The following SPEF2 variants were observed in gnomAD, a reference collection of about 807,000 sequenced individuals.
SPEF2 encodes the protein sperm flagellar and cilia associated 2, also known as sperm flagella and cilia-associated protein 2.
SPEF2 carries 187 observed loss-of-function variants against 224.6 expected under a neutral mutation model. That is an observed-to-expected ratio of 0.83 (90% CI 0.74 to 0.94). The LOEUF (loss-of-function observed/expected upper bound fraction) is 0.94, where lower values mean the gene tolerates loss of function less well. SPEF2 is among the 40% of genes least tolerant of loss of function. The probability of loss-of-function intolerance (pLI) is 0.00; values close to 1 mark genes in which losing one functional copy is unlikely to be tolerated. For missense variants in SPEF2, 2,170 were observed against 2,135.6 expected (o/e 1.02, Z -0.32); for synonymous variants, 715 against 707.3 (o/e 1.01, Z -0.17).
intron 36 of SPEF2, among the ~76,000 whole-genome samples, chr5:35,809,698 A>T: frequency 6.6e-6 from 1 of 152,182 alleles, no homozygotes; most frequent in Admixed American, 6.5e-5. Flanking sequence ...ATTCCATTTG[A>T]AAAGCAAGAG....
intron 20 of SPEF2, among the ~76,000 whole-genome samples, chr5:35,717,911 C>T (rs7706122): frequency 0.74 from 112,749 of 152,064 alleles, 42,314 homozygotes; most frequent in Middle Eastern, 0.83. Context: ...TGACAGGGGG[C>T]GCTGTTTTGG....
chr5:35,632,258 C>T (rs1052785031), intron 2 of SPEF2, among the ~76,000 whole-genome samples: 2 of 152,172 alleles, frequency 1.3e-5, no homozygotes, highest in African/African-American at 4.8e-5. Flanking sequence ...GTTTAATTGA[C>T]TTATACTTCC....
intron 10 of SPEF2, among the ~76,000 whole-genome samples, chr5:35,689,504 C>T (rs1301534665): frequency 6.6e-6 from 1 of 152,148 alleles, no homozygotes; most frequent in Non-Finnish European, 1.5e-5. Flanking sequence ...CTTGCACTCT[C>T]CCCATCTCCT....
At chr5:35,788,780 G>C (rs1755545849) in intron 30 of SPEF2, 4 of 702,826 alleles carry the variant, frequency 5.7e-6, no homozygotes, top group Non-Finnish European at 1.0e-5. Context: ...ACATCACCTT[G>C]AACTATCTTA....
intron 36 of SPEF2, chr5:35,808,036 G>A: frequency 8.6e-7 from 1 of 1,157,118 alleles, no homozygotes; most frequent in Non-Finnish European, 1.1e-6. Context: ...CTTTCACTTT[G>A]ATAGAATGTA....
At chr5:35,788,417 C>A in intron 30 of SPEF2, 1 of 702,536 alleles carries the variant, frequency 1.4e-6, no homozygotes, top group Non-Finnish European at 2.6e-6. Flanking sequence ...ACGAAAAAAT[C>A]TAAGAGAGAA....
chr5:35,675,841 G>A (rs1751924713), intron 10 of SPEF2: 1 of 445,720 alleles, frequency 2.2e-6, no homozygotes, highest in Non-Finnish European at 4.5e-6. Flanking sequence ...TGGTTACCAA[G>A]AAACAAGGCT....
At position 35,651,268 on chromosome 5, in the gene SPEF2, G is replaced by A. The variant is rs555433569; in HGVS notation, c.791+1843G>A. 2.0e-5 allele frequency among the ~76,000 whole-genome samples: 3 copies of A among 152,286 alleles called. No homozygotes were observed. The East Asian group carries it at 5.8e-4, about 29-fold the overall frequency. The stretch of plus-strand genomic sequence containing the variant: ...CACTGTTTCCCTGCATAAAATTGGG[G>A]TTCTATTTTGAGAGAAAAGGGAGGG... On this transcript the variant is annotated intron_variant, in intron 6 of 36. Coordinates refer to ENST00000356031, the MANE Select transcript of SPEF2 (RefSeq NM_024867.4).
At chr5:35,661,796 T>A (rs920124368) in intron 8 of SPEF2, among the ~76,000 whole-genome samples, 4 of 152,202 alleles carry the variant, frequency 2.6e-5, no homozygotes, top group African/African-American at 7.2e-5. Context: ...ATGGTGTATA[T>A]ATACCACATT....
At position 35,700,329 on chromosome 5, in the gene SPEF2, G is replaced by T; in HGVS notation, c.2142-167G>T. The T allele has an allele frequency of 4.6e-6, 3 of 648,196 alleles. No homozygotes were observed. In the South Asian group the frequency reaches 6.0e-5, roughly 13 times the overall value. 40.2% of individuals were successfully genotyped at this position (648,196 alleles called of 1,614,324 possible). ...TCCACAGAAGTATTTTTAAGCAAGG[G>T]AGTGATTGTGGCACATCAGTAAACC... On this transcript the variant is annotated intron_variant, in intron 15 of 36. Transcript: ENST00000356031.
chr5:35,641,778 G>A (rs1746659549), intron 3 of SPEF2, 95 bp downstream of exon 3: 1 of 1,315,332 alleles, frequency 7.6e-7, no homozygotes, highest in Admixed American at 2.3e-5. Context: ...AGCCTCATTA[G>A]GCATATATAT....
chr5:35,740,727 C>G (rs1747469110), intron 23 of SPEF2, among the ~76,000 whole-genome samples: 1 of 152,118 alleles, frequency 6.6e-6, no homozygotes, highest in African/African-American at 2.4e-5. Context: ...CTTTGTATCT[C>G]CAGCAAGCAC....
At position 35,671,639 on chromosome 5, in the gene SPEF2, G is replaced by T. The variant is rs907760375; in HGVS notation, c.1524+1412G>T. On this transcript the variant is annotated intron_variant, in intron 10 of 36. Coordinates refer to ENST00000356031, the MANE Select transcript of SPEF2 (RefSeq NM_024867.4). ...GCTAAACAGCTCAATCTCTATTCTT[G>T]TTGCTCTTACAAATCAGGAGACCTA... 14 of 587,638 alleles carry T rather than the reference G, an allele frequency of 2.4e-5. No individual in the cohort carries two copies. The African/African-American group carries it at 2.7e-4, about 11-fold the overall frequency. 36.4% of individuals were successfully genotyped at this position (587,638 alleles called of 1,614,324 possible).
chr5:35,792,842 T>G (rs1756149664), intron 31 of SPEF2, among the ~76,000 whole-genome samples: 1 of 152,262 alleles, frequency 6.6e-6, no homozygotes, highest in Non-Finnish European at 1.5e-5. Context: ...ACAAAGCCCT[T>G]GCACAGGCAC....
At chr5:35,741,549 GA>G (rs1561291322) in intron 23 of SPEF2, among the ~76,000 whole-genome samples, 1 of 152,166 alleles carries the variant, frequency 6.6e-6, no homozygotes, top group Non-Finnish European at 1.5e-5. Flanking sequence ...GTTATTATGA[GA>G]ATATAGCTAT....
At chr5:35,686,492 G>A (rs1018732813) in intron 10 of SPEF2, among the ~76,000 whole-genome samples, 17 of 151,988 alleles carry the variant, frequency 1.1e-4, no homozygotes, top group Admixed American at 4.6e-4. Flanking sequence ...ACCTATATGT[G>A]TATGTAAATA....
At chr5:35,621,226 T>A (rs1378741422) in intron 1 of SPEF2, among the ~76,000 whole-genome samples, 6 of 152,180 alleles carry the variant, frequency 3.9e-5, no homozygotes, top group African/African-American at 1.4e-4. Context: ...GGAGTTCAAA[T>A]GAAGTCTACA....
At chr5:35,680,381 T>C (rs1422558115) in intron 10 of SPEF2, among the ~76,000 whole-genome samples, 1 of 152,212 alleles carries the variant, frequency 6.6e-6, no homozygotes, top group African/African-American at 2.4e-5. Context: ...GTCCCTAATT[T>C]TGGGTTATCC....
intron 2 of SPEF2, among the ~76,000 whole-genome samples, chr5:35,630,267 G>A (rs1034996918): frequency 6.6e-6 from 1 of 152,158 alleles, no homozygotes; most frequent in Non-Finnish European, 1.5e-5. Flanking sequence ...GAGGACGGTT[G>A]CCCTCTTCTC....
Sources: allele counts gnomAD v4.1 joint callset (sites outside exome capture counted in the v4.1 genomes callset), GRCh38; gene constraint gnomAD v4.1.1; transcripts MANE v1.5; gene names NCBI Gene and HGNC (gene_info 2026-07-23, HGNC 2026-07-21).